Variants in ROR1 observed in about 807,000 individuals in gnomAD.
ROR1 encodes the protein ROR family WNT receptor 1, also known as inactive tyrosine-protein kinase transmembrane receptor ROR1.
A neutral mutation model predicts 78.8 loss-of-function variants in ROR1; 19 were observed. The ratio of observed to expected loss-of-function variants is 0.24; its 90% CI spans 0.17 to 0.35. The LOEUF (loss-of-function observed/expected upper bound fraction) is 0.35, where lower values mean the gene tolerates loss of function less well. ROR1 is among the 10% of genes least tolerant of loss of function. The pLI is 1.00. For synonymous variants in ROR1, 386 were observed against 433.6 expected, an observed-to-expected ratio of 0.89 and a Z score of 1.36; for missense variants, 917 against 1,177.8, an observed-to-expected ratio of 0.78 and a Z score of 3.24.
At chr1:63,800,462 A>T (rs560583465) in intron 1 of ROR1, among the ~76,000 whole-genome samples, 1 of 152,210 alleles carries the variant, frequency 6.6e-6, no homozygotes, top group African/African-American at 2.4e-5. Flanking sequence ...GTTCTTATTC[A>T]CTTGGCCTCA....
At chr1:63,801,839 T>G (rs1053569231) in intron 1 of ROR1, among the ~76,000 whole-genome samples, 2 of 152,228 alleles carry the variant, frequency 1.3e-5, no homozygotes, top group Admixed American at 1.3e-4. Flanking sequence ...TCCTTTGAGC[T>G]GGGTCTGATG....
At chr1:63,783,187 G>T (rs1346652531) in intron 1 of ROR1, among the ~76,000 whole-genome samples, 1 of 152,122 alleles carries the variant, frequency 6.6e-6, no homozygotes. Flanking sequence ...GAAGCCTGTT[G>T]TGTTTTTAGC....
At chr1:63,852,238 C>A (rs1260701) in intron 1 of ROR1, among the ~76,000 whole-genome samples, 1 of 152,128 alleles carries the variant, frequency 6.6e-6, no homozygotes, top group South Asian at 2.1e-4. Context: ...GTGGTGCTGC[C>A]TGGACTCAGC....
At chr1:63,808,908 T>C (rs1014722681) in intron 1 of ROR1, among the ~76,000 whole-genome samples, 4 of 152,058 alleles carry the variant, frequency 2.6e-5, no homozygotes, top group Non-Finnish European at 4.4e-5. Flanking sequence ...GTACTTCTTA[T>C]CCTAGTTGAA....
rs180860868 is a variant in ROR1 at position 63,963,508 on chromosome 1, G to A, written c.92-45797G>A. 7.8e-3 allele frequency among the ~76,000 whole-genome samples: 1,180 copies of A among 151,394 alleles called. 9 individuals carry two copies. Among genetic ancestry groups the A allele is most frequent in the Middle Eastern group, 0.027 (8 of 292 alleles). On this transcript the variant is annotated intron_variant, in intron 1 of 8. Transcript: ENST00000371079. ...CGCTTGAACCTGGGAGGTGGAAGTT[G>A]CAGTGAGCCCATATCCTGCCAATGC...
In ROR1 at chr1:64,176,516, CTG is replaced by C. The variant is rs369481765; in HGVS notation, c.1387-911_1387-910del. ...TTGAGGCAAAAGTTAAATGTTGTAT[CTG>C]GGGTCACACAGCTGGTAAGTGGAGA... is the stretch of plus-strand genomic sequence containing the variant. On this transcript the variant is annotated intron_variant, in intron 8 of 8. Transcript: ENST00000371079. 4.1e-3 allele frequency among the ~76,000 whole-genome samples: 626 copies of C among 152,178 alleles called. 6 individuals are homozygous for C. Among genetic ancestry groups the C allele is most frequent in the Non-Finnish European group, 4.9e-3 (332 of 68,010 alleles).
intron 1 of ROR1, among the ~76,000 whole-genome samples, chr1:63,981,985 C>T (rs1438493400): frequency 1.3e-5 from 2 of 151,748 alleles, no homozygotes; most frequent in Non-Finnish European, 2.9e-5. Flanking sequence ...CTGTTTTGTC[C>T]TAGTAACAAA....
intron 2 of ROR1, among the ~76,000 whole-genome samples, chr1:64,031,700 A>G (rs982538925): frequency 6.6e-6 from 1 of 152,268 alleles, no homozygotes. Context: ...ATTGGATCTT[A>G]GAATCCTGGA....
intron 1 of ROR1, among the ~76,000 whole-genome samples, chr1:63,861,066 T>C (rs922081215): frequency 1.3e-5 from 2 of 152,102 alleles, no homozygotes; most frequent in Admixed American, 6.6e-5. Flanking sequence ...AATTAGGTTG[T>C]CTTGAAAATA....
In ROR1 at chr1:63,810,868, A is replaced by G. The variant is rs2100269146; in HGVS notation, c.91+36360A>G. 2.0e-5 allele frequency among the ~76,000 whole-genome samples: 3 copies of G among 152,350 alleles called. No individual in the cohort carries two copies. In the Middle Eastern group the frequency reaches 0.01, roughly 518 times the overall value. ...ATCTAAACTTAATCTTTTAAGAAGT[A>G]AATAACTTCTCTGTAGGAAAGTAAC... is the stretch of plus-strand genomic sequence containing the variant. On this transcript the variant is annotated intron_variant, in intron 1 of 8. Coordinates refer to ENST00000371079, the MANE Select transcript of ROR1 (RefSeq NM_005012.4).
chr1:64,126,045 T>C (rs1456722095), intron 4 of ROR1, among the ~76,000 whole-genome samples: 1 of 152,132 alleles, frequency 6.6e-6, no homozygotes, highest in Non-Finnish European at 1.5e-5. Context: ...TATTTTCTCA[T>C]GAACTAATCT....
chr1:64,172,294 C>T (rs749235515), intron 8 of ROR1, among the ~76,000 whole-genome samples: 2 of 152,120 alleles, frequency 1.3e-5, no homozygotes, highest in Non-Finnish European at 2.9e-5. Flanking sequence ...CCTTAATTTT[C>T]CTTCCGTAAA....
At chr1:64,112,531 G>T (rs12116855) in intron 4 of ROR1, among the ~76,000 whole-genome samples, 15,957 of 152,150 alleles carry the variant, frequency 0.1, 928 homozygotes, top group South Asian at 0.18. Flanking sequence ...CCCTAACAGT[G>T]TCTTAATTGA....
intron 1 of ROR1, among the ~76,000 whole-genome samples, chr1:63,998,196 A>G (rs972247717): frequency 1.3e-5 from 2 of 152,190 alleles, no homozygotes; most frequent in Non-Finnish European, 2.9e-5. Flanking sequence ...CTGTCTGAGA[A>G]GAATGAAAGG....
At position 64,178,187 on chromosome 1, in the gene ROR1, G is replaced by A. The variant is rs368470925; in HGVS notation, c.2146G>A (p.Asp716Asn). 3.1e-6 allele frequency: 5 copies of A among 1,614,064 alleles called. No homozygotes were observed. Among genetic ancestry groups the A allele is most frequent in the Non-Finnish European group, 4.2e-6 (5 of 1,180,030 alleles). The stretch of plus-strand genomic sequence containing the variant: ...ACGGCAGCTCTTACCATGCTCTGAA[G>A]ACTGCCCACCCAGAATGTACAGCCT... ...RKRQLLPCSEDCPPRMYSLMT... is the reference protein window; with the variant it reads ...RKRQLLPCSENCPPRMYSLMT... Residue 716 changes from aspartate (D) to asparagine (N), a missense_variant, in exon 9 of 9, where the codon GAC (aspartate) becomes AAC (asparagine). Asp to Asn is a conservative substitution (Grantham distance 23, BLOSUM62 1). Transcript: ENST00000371079. This position sits in a 1 kb window ranked among gnomAD's most constrained non-coding sequence, Gnocchi z 4.3.
chr1:64,155,901 C>T (rs567050767), intron 7 of ROR1, among the ~76,000 whole-genome samples: 1 of 152,238 alleles, frequency 6.6e-6, no homozygotes, highest in East Asian at 1.9e-4. Flanking sequence ...AACTGTATGG[C>T]AATTTTCAAT....
intron 1 of ROR1, among the ~76,000 whole-genome samples, chr1:63,943,126 G>A (rs954208324): frequency 6.7e-6 from 1 of 149,998 alleles, no homozygotes; most frequent in African/African-American, 2.5e-5. Flanking sequence ...AAGATTAAGT[G>A]CAGCAGCCAT....
chr1:63,777,656 A>C (rs1405765160), intron 1 of ROR1, among the ~76,000 whole-genome samples: 1 of 152,178 alleles, frequency 6.6e-6, no homozygotes, highest in African/African-American at 2.4e-5. Flanking sequence ...GCCCCCAGTT[A>C]GACTTTTGGA....
At chr1:64,064,670 A>G (rs1231581645) in intron 4 of ROR1, among the ~76,000 whole-genome samples, 4 of 152,216 alleles carry the variant, frequency 2.6e-5, no homozygotes, top group African/African-American at 7.2e-5. Flanking sequence ...TTCCTGCCCA[A>G]CCTTCAGGTA....
Sources: gnomAD v4.1 joint callset for allele counts (sites outside exome capture counted in the v4.1 genomes callset) on GRCh38, gnomAD v4.1.1 for gene constraint, Gnocchi (gnomAD v3.1) non-coding constraint, MANE v1.5 for transcripts, NCBI Gene and HGNC (gene_info 2026-07-23, HGNC 2026-07-21) for gene names.